NMU: variants seen among roughly 807,000 people sequenced by gnomAD.
NMU encodes neuromedin-U.
A neutral mutation model predicts 35.4 loss-of-function variants in NMU; 29 were observed. That is an observed-to-expected ratio of 0.82 (90% CI 0.61 to 1.12). The LOEUF is 1.12. Ranked by LOEUF, NMU falls within the 50% of genes most tolerant of loss-of-function variation. The pLI, the probability that NMU is intolerant of heterozygous loss-of-function variation, is 0.00. For missense variants in NMU, 199 were observed against 206.2 expected, an observed-to-expected ratio of 0.97 and a Z score of 0.21; for synonymous variants, 78 against 81.3, an observed-to-expected ratio of 0.96 and a Z score of 0.22.
intron 2 of NMU, among the ~76,000 whole-genome samples, chr4:55,619,585 G>A (rs1234402430): frequency 1.4e-5 from 2 of 137,962 alleles, no homozygotes; most frequent in African/African-American, 5.3e-5. Flanking sequence ...GCGAGGCTGG[G>A]GGAGGGGCGC....
intron 2 of NMU, among the ~76,000 whole-genome samples, chr4:55,628,261 C>T (rs983138986): frequency 6.6e-6 from 1 of 152,188 alleles, no homozygotes; most frequent in South Asian, 2.1e-4. Context: ...CAGAGTTGAG[C>T]AACCATCCAT....
intron 2 of NMU, among the ~76,000 whole-genome samples, chr4:55,625,777 T>C (rs553509912): frequency 6.6e-5 from 10 of 151,948 alleles, no homozygotes; most frequent in Admixed American, 5.3e-4. Context: ...GTATATTTCC[T>C]CACTTTTTTC....
chr4:55,604,827 C>T (rs914655400), intron 7 of NMU, among the ~76,000 whole-genome samples: 1 of 151,688 alleles, frequency 6.6e-6, no homozygotes, highest in Non-Finnish European at 1.5e-5. Context: ...AGCCACCAGG[C>T]CTGGCCCACT....
chr4:55,601,005 A>G (rs1733403440), intron 7 of NMU, among the ~76,000 whole-genome samples: 1 of 152,172 alleles, frequency 6.6e-6, no homozygotes, highest in South Asian at 2.1e-4. Flanking sequence ...AAAGCTAAAA[A>G]ATATTATCCA....
At chr4:55,633,070 A>G (rs1715699113) in intron 1 of NMU, among the ~76,000 whole-genome samples, 1 of 151,914 alleles carries the variant, frequency 6.6e-6, no homozygotes, top group African/African-American at 2.4e-5. Context: ...CACACCTGTA[A>G]TCCCAGCACT....
intron 5 of NMU, 35 bp from the exon 6 acceptor site, chr4:55,607,383 A>G: frequency 7.1e-7 from 1 of 1,417,238 alleles, no homozygotes; most frequent in Admixed American, 1.7e-5. Flanking sequence ...TACTATAAAA[A>G]TTAATGGTTC....
In NMU at chr4:55,630,394, T is replaced by G; in HGVS notation, c.171+8A>C. On this transcript the variant is annotated splice_region_variant and intron_variant, in intron 2 of 9. Transcript: ENST00000264218. Reference sequence around the variant, plus strand: ...TTTCTACAAATTTGTGTGATGATAGTTCCTTACCTCATTCCACAACTGTAG... The same window carrying G: ...TTTCTACAAATTTGTGTGATGATAGGTCCTTACCTCATTCCACAACTGTAG... 1 of 1,602,100 alleles carries G rather than the reference T, an allele frequency of 6.2e-7. No individual in the cohort carries two copies. Among genetic ancestry groups the G allele is most frequent in the South Asian group, 1.1e-5 (1 of 90,778 alleles).
chr4:55,607,971 C>A (rs1474922644), intron 4 of NMU, among the ~76,000 whole-genome samples: 1 of 152,080 alleles, frequency 6.6e-6, no homozygotes, highest in Non-Finnish European at 1.5e-5. Flanking sequence ...GAGACTGAGA[C>A]GATCCTGGCT....
chr4:55,611,365 A>G (rs896872251), intron 3 of NMU, among the ~76,000 whole-genome samples: 3 of 152,226 alleles, frequency 2.0e-5, no homozygotes, highest in Non-Finnish European at 4.4e-5. Flanking sequence ...CCTGTCTTGA[A>G]AAAGAAAAAA....
intron 4 of NMU, among the ~76,000 whole-genome samples, chr4:55,608,040 G>C (rs1355459026): frequency 1.3e-5 from 2 of 151,994 alleles, no homozygotes; most frequent in Non-Finnish European, 2.9e-5. Context: ...AGGCCTGGTG[G>C]GGCGAGCGCC....
chr4:55,603,163 T>C (rs934481309), intron 7 of NMU, among the ~76,000 whole-genome samples: 6 of 149,224 alleles, frequency 4.0e-5, no homozygotes, highest in African/African-American at 1.5e-4. Flanking sequence ...TGCCAGCTGA[T>C]TTTTTTTTGT....
chr4:55,598,934 AT>A (rs1263260350), intron 9 of NMU, among the ~76,000 whole-genome samples: 4 of 152,178 alleles, frequency 2.6e-5, no homozygotes. Context: ...AAATACTGGT[AT>A]TTTCTCATTA....
intron 7 of NMU, among the ~76,000 whole-genome samples, chr4:55,602,413 A>G (rs1278321211): frequency 3.3e-5 from 5 of 152,206 alleles, no homozygotes; most frequent in African/African-American, 4.8e-5. Flanking sequence ...TAGGAAATTG[A>G]CTGGCTGCAA....
At chr4:55,615,805 C>T (rs921584802) in intron 3 of NMU, among the ~76,000 whole-genome samples, 15 of 152,030 alleles carry the variant, frequency 9.9e-5, no homozygotes, top group African/African-American at 1.9e-4. Context: ...TCTAGCAGGC[C>T]CTGTGTCTGT....
chr4:55,635,956 A>G, intron 1 of NMU, 125 bp downstream of exon 1: 1 of 1,487,916 alleles, frequency 6.7e-7, no homozygotes, highest in Non-Finnish European at 9.0e-7. Flanking sequence ...CCGCGGCACC[A>G]GAGAAGCCAA....
intron 2 of NMU, among the ~76,000 whole-genome samples, chr4:55,618,673 T>C (rs1427435036): frequency 6.7e-6 from 1 of 148,342 alleles, no homozygotes; most frequent in Non-Finnish European, 1.5e-5. Flanking sequence ...TTCTCTCTCT[T>C]CCTTTCTTCT....
chr4:55,615,143 T>C (rs1056300903), intron 3 of NMU, among the ~76,000 whole-genome samples: 2 of 152,156 alleles, frequency 1.3e-5, no homozygotes, highest in Non-Finnish European at 2.9e-5. Context: ...GTAAAGACAA[T>C]GTAAGAACAC....
At chr4:55,607,276 A>G in intron 6 of NMU, 22 bp downstream of exon 6, 1 of 1,537,756 alleles carries the variant, frequency 6.5e-7, no homozygotes, top group Non-Finnish European at 9.0e-7. Flanking sequence ...AGTGATTACT[A>G]AGAAGTAGTT....
At chr4:55,618,619 CCT>C (rs1018869292) in intron 2 of NMU, among the ~76,000 whole-genome samples, 5 of 151,078 alleles carry the variant, frequency 3.3e-5, no homozygotes, top group Non-Finnish European at 7.4e-5. Flanking sequence ...TTTTCTCTCT[CCT>C]CTTTCTTCTT....
Sources: gnomAD v4.1 joint callset for allele counts (sites outside exome capture counted in the v4.1 genomes callset) on GRCh38, gnomAD v4.1.1 for gene constraint, MANE v1.5 for transcripts, NCBI Gene and HGNC (gene_info 2026-07-23, HGNC 2026-07-21) for gene names.